Variants in ATXN2 observed in about 807,000 individuals in gnomAD.
ATXN2 encodes the protein ataxin 2.
ATXN2 carries 37 observed loss-of-function variants against 138.6 expected under a neutral mutation model. The ratio of observed to expected loss-of-function variants is 0.27; its 90% CI spans 0.21 to 0.35. The LOEUF is 0.35. Ranked by LOEUF, ATXN2 falls within the 10% of genes least tolerant of loss-of-function variation. The pLI is 1.00. For synonymous variants in ATXN2, 549 were observed against 543.7 expected, an observed-to-expected ratio of 1.01 and a Z score of -0.13; for missense variants, 1,216 against 1,480.3, an observed-to-expected ratio of 0.82 and a Z score of 2.93.
At chr12:111,510,098 T>A (rs373488213) in intron 12 of ATXN2, 100 bp from the exon 13 acceptor site, 3 of 905,330 alleles carry the variant, frequency 3.3e-6, no homozygotes, top group East Asian at 2.6e-5. Flanking sequence ...TGGAAAATAA[T>A]GCTTTCATTT....
intron 23 of ATXN2, chr12:111,455,155 C>G (rs933713717): frequency 4.3e-6 from 3 of 702,432 alleles, no homozygotes; most frequent in Admixed American, 4.0e-5. Context: ...TGTGGCAGGT[C>G]TCACTTAGAC....
At chr12:111,483,549 T>C (rs1489572663) in intron 18 of ATXN2, among the ~76,000 whole-genome samples, 1 of 143,686 alleles carries the variant, frequency 7.0e-6, no homozygotes, top group African/African-American at 2.6e-5. Context: ...TAGAGACGGG[T>C]TTTCACCATG....
At chr12:111,514,965 T>C (rs1319673096) in intron 10 of ATXN2, among the ~76,000 whole-genome samples, 1 of 152,240 alleles carries the variant, frequency 6.6e-6, no homozygotes, top group Non-Finnish European at 1.5e-5. Context: ...CAGTCATTAA[T>C]GATCATGTTT....
chr12:111,470,793 T>C (rs375948086), intron 18 of ATXN2, 51 bp from the exon 19 acceptor site: 39 of 1,583,660 alleles, frequency 2.5e-5, no homozygotes, highest in South Asian at 4.5e-5. Context: ...CACAGCATAA[T>C]ACATGTGTTC....
At position 111,509,952 on chromosome 12, in the gene ATXN2, C is replaced by T; in HGVS notation, c.1803G>A (p.Gly601=). The change falls in exon 13 of 25, where the codon GGG becomes GGA. Residue 601 remains glycine, a synonymous_variant. Transcript: ENST00000673436. ...CATTGGGTTTAATATTTTCTTTATT[C>T]CCTGCAGGAGAGTTCTGCCTCTGAT... ...LQDQRQNSPA[G]NKENIKPNET... The T allele has an allele frequency of 1.9e-6, 3 of 1,613,062 alleles. No homozygotes were observed. The highest frequency in any genetic ancestry group is 2.5e-6 in the Non-Finnish European group (3 of 1,179,572).
chr12:111,566,460 AAG>A (rs1454006451), intron 1 of ATXN2, among the ~76,000 whole-genome samples: 2 of 151,458 alleles, frequency 1.3e-5, no homozygotes, highest in Non-Finnish European at 2.9e-5. Context: ...AAAAAAAAAA[AAG>A]AAATACATTC....
intron 21 of ATXN2, among the ~76,000 whole-genome samples, chr12:111,462,967 T>C (rs1172221959): frequency 4.5e-4 from 61 of 134,680 alleles, no homozygotes; most frequent in African/African-American, 1.6e-3. Flanking sequence ...CACATACATA[T>C]ATATATATAT....
Position 111,552,550 on chromosome 12 carries a change from A to T in ATXN2, c.421-120T>A. On this transcript the variant is annotated intron_variant, in intron 4 of 24. Transcript: ENST00000673436. This position sits in a 1 kb window ranked among gnomAD's most constrained non-coding sequence, Gnocchi z 4.1. Reference sequence around the variant, plus strand: ...CTTTGACAAAAATAATCTCAAGAGAATCATACCCTTTTTCCCAGGCATATG... The same window carrying T: ...CTTTGACAAAAATAATCTCAAGAGATTCATACCCTTTTTCCCAGGCATATG... The T allele has an allele frequency of 1.0e-6, 1 of 1,002,934 alleles. No homozygotes were observed. The highest frequency in any genetic ancestry group is 1.4e-6 in the Non-Finnish European group (1 of 710,832). 62.1% of individuals were successfully genotyped at this position (1,002,934 alleles called of 1,614,324 possible).
Position 111,599,017 on chromosome 12 carries a change from C to T in ATXN2, c.18G>A (p.Gln6=). 2 of 1,504,380 alleles carry T rather than the reference C, an allele frequency of 1.3e-6. No homozygotes were observed. The highest frequency in any genetic ancestry group is 1.2e-5 in the South Asian group (1 of 80,724). 93.2% of individuals were successfully genotyped at this position (1,504,380 alleles called of 1,614,324 possible). The change falls in exon 1 of 25, where the codon CAG becomes CAA. Residue 6 remains glutamine, a synonymous_variant. Transcript: ENST00000673436. ...GCTGCTGCTGCTGCTGCTGCTGCTG[C>T]TGGGGCTTCAGCGACATGGTGAGGG... is the stretch of plus-strand genomic sequence containing the variant. MSLKP[Q]QQQQQQQQQQ... is the part of the protein sequence containing the mutation.
chr12:111,560,632 A>C (rs1963008243), intron 1 of ATXN2, among the ~76,000 whole-genome samples: 1 of 152,212 alleles, frequency 6.6e-6, no homozygotes. Context: ...AGGATAGAAC[A>C]CTAAAATCAT....
In ATXN2 at chr12:111,598,954, CTGCTGCTGCTGCTGCTGCTGCTGT is replaced by C. The variant is rs751287394; in HGVS notation, c.57_80del (p.Gln21_Gln28del). 8.3e-4 allele frequency: 581 copies of C among 701,836 alleles called. 1 individual carries two copies. Among genetic ancestry groups the C allele is most frequent in the African/African-American group, 5.1e-3 (294 of 58,148 alleles). 43.5% of individuals were successfully genotyped at this position (701,836 alleles called of 1,614,324 possible). On this transcript the variant is annotated inframe_deletion, in exon 1 of 25. Transcript: ENST00000673436. The surrounding 1 kb of genome is among the most constrained non-coding windows in gnomAD (Gnocchi z 4.5). ...CATTGGCAGCCGCGGGCGGCGGCTG[CTGCTGCTGCTGCTGCTGCTGCTGT>C]TGCTGCTGCTGCTGCTGCTGCTGCT...
intron 1 of ATXN2, among the ~76,000 whole-genome samples, chr12:111,575,843 G>A (rs548926116): frequency 2.0e-3 from 299 of 152,232 alleles, no homozygotes; most frequent in African/African-American, 6.3e-3. Context: ...CAGCACTTTG[G>A]GAGGCCAAGG....
intron 1 of ATXN2, among the ~76,000 whole-genome samples, chr12:111,570,272 T>C (rs1883244514): frequency 6.6e-6 from 1 of 152,062 alleles, no homozygotes; most frequent in African/African-American, 2.4e-5. Context: ...CACAAAACAA[T>C]TGTATTCCCC....
chr12:111,597,484 G>A (rs1884995228), intron 1 of ATXN2, among the ~76,000 whole-genome samples: 1 of 152,196 alleles, frequency 6.6e-6, no homozygotes, highest in Non-Finnish European at 1.5e-5. Flanking sequence ...GGACTTGCGT[G>A]CCCTTGGTAA....
chr12:111,513,606 T>C, intron 10 of ATXN2, 67 bp from the exon 11 acceptor site: 1 of 1,441,406 alleles, frequency 6.9e-7, no homozygotes, highest in Non-Finnish European at 9.4e-7. Context: ...TTCTGCTAAA[T>C]ACACCCATTC....
intron 1 of ATXN2, among the ~76,000 whole-genome samples, chr12:111,593,778 A>G (rs1174848419): frequency 6.6e-6 from 1 of 152,224 alleles, no homozygotes; most frequent in African/African-American, 2.4e-5. Context: ...AGCCATCTAC[A>G]ATTTACCTCT....
At position 111,598,949 on chromosome 12, in the gene ATXN2, GGCT is replaced by G. The variant is rs10560189; in HGVS notation, c.83_85del (p.Gln28del). 1,083,268 of 1,404,060 alleles carry G rather than the reference GGCT, an allele frequency of 0.77. 394,084 individuals are homozygous for G. Among genetic ancestry groups the G allele is most frequent in the East Asian group, 0.82 (27,923 of 34,256 alleles). The allele number at this position is 1,404,060 out of a possible 1,614,324, so 87.0% of individuals were successfully genotyped here. On this transcript the variant is annotated inframe_deletion, in exon 1 of 25. Coordinates refer to ENST00000673436, the MANE Select transcript of ATXN2 (RefSeq NM_001372574.1). The surrounding 1 kb of genome is among the most constrained non-coding windows in gnomAD (Gnocchi z 4.5). ...GCGGACATTGGCAGCCGCGGGCGGC[GGCT>G]GCTGCTGCTGCTGCTGCTGCTGCTG...
At chr12:111,564,117 G>T (rs1348056216) in intron 1 of ATXN2, among the ~76,000 whole-genome samples, 1 of 152,098 alleles carries the variant, frequency 6.6e-6, no homozygotes, top group African/African-American at 2.4e-5. Context: ...GCCCCCAAAG[G>T]CACATTGTGT....
intron 18 of ATXN2, 156 bp downstream of exon 18, chr12:111,485,109 C>A: frequency 1.6e-6 from 1 of 608,596 alleles, no homozygotes; most frequent in Non-Finnish European, 2.8e-6. Context: ...TCATAAAATC[C>A]ATGTGAATAT....
Sources: allele counts gnomAD v4.1 joint callset (sites outside exome capture counted in the v4.1 genomes callset), GRCh38; gene constraint gnomAD v4.1.1; non-coding constraint Gnocchi (gnomAD v3.1); transcripts MANE v1.5; gene names NCBI Gene and HGNC (gene_info 2026-07-23, HGNC 2026-07-21).